MYOM2: variants seen among roughly 807,000 people sequenced by gnomAD.
MYOM2 encodes the protein myomesin-2.
In MYOM2, 254 loss-of-function variants were observed where a neutral mutation model predicts 187.6. That is an observed-to-expected ratio of 1.35 (90% confidence interval 1.22 to 1.50). The LOEUF (loss-of-function observed/expected upper bound fraction) is 1.50, where lower values mean the gene tolerates loss of function less well. MYOM2 is among the 40% of genes most tolerant of loss of function. MYOM2 has a pLI of 0.00. For missense variants in MYOM2, 2,796 were observed against 1,924.0 expected (o/e 1.45, Z -8.48); for synonymous variants, 981 against 753.8 (o/e 1.30, Z -4.94).
At chr8:2,069,161 C>A in intron 6 of MYOM2, 117 bp from the exon 7 acceptor site, 2 of 946,762 alleles carry the variant, frequency 2.1e-6, no homozygotes, top group Non-Finnish European at 3.1e-6. Context: ...ACAAATCACT[C>A]ATGAACAAAT....
At chr8:2,096,461 A>G in intron 18 of MYOM2, 27 bp downstream of exon 18, 8 of 1,608,712 alleles carry the variant, frequency 5.0e-6, no homozygotes, top group African/African-American at 1.3e-5. Context: ...TCCTTCGTCT[A>G]TTTTTGCCTG....
At chr8:2,047,536 T>C (rs1490261439) in intron 1 of MYOM2, among the ~76,000 whole-genome samples, 1 of 152,226 alleles carries the variant, frequency 6.6e-6, no homozygotes, top group African/African-American at 2.4e-5. Flanking sequence ...GTTTTCATTG[T>C]TGAAATCCAA....
rs1819146465 is a variant in MYOM2 at position 2,069,614 on chromosome 8, C to A, written c.793+117C>A. ...TTTTTTTTTTTGAGACGGAGTCTCA[C>A]TCTGTCACCCAGGCTGGAGTGCAGT... is the stretch of plus-strand genomic sequence containing the variant. On this transcript the variant is annotated intron_variant, in intron 8 of 36. Coordinates refer to ENST00000262113, the MANE Select transcript of MYOM2 (RefSeq NM_003970.4). 3.2e-6 allele frequency: 4 copies of A among 1,268,456 alleles called. No homozygotes were observed. In the African/African-American group the frequency reaches 4.5e-5, roughly 14 times the overall value. 78.6% of individuals were successfully genotyped at this position (1,268,456 alleles called of 1,614,324 possible). A position where few individuals can be genotyped will look rare whatever the true frequency, so the allele number is the denominator to read the frequency against.
At chr8:2,118,399 C>T (rs1797317456) in intron 28 of MYOM2, among the ~76,000 whole-genome samples, 2 of 152,076 alleles carry the variant, frequency 1.3e-5, no homozygotes, top group African/African-American at 4.8e-5. Flanking sequence ...GTTTTTTAAG[C>T]AGCAAATCTT....
At chr8:2,126,251 C>G (rs527863239) in intron 31 of MYOM2, among the ~76,000 whole-genome samples, 1 of 152,148 alleles carries the variant, frequency 6.6e-6, no homozygotes, top group Non-Finnish European at 1.5e-5. Context: ...CAGAACTTCC[C>G]ATATCAATAG....
intron 30 of MYOM2, 148 bp from the exon 31 acceptor site, chr8:2,124,031 A>G: frequency 1.3e-6 from 1 of 780,804 alleles, no homozygotes; most frequent in Non-Finnish European, 2.0e-6. Context: ...CGCACACATA[A>G]GTCTTTTATG....
In MYOM2 at chr8:2,057,747, C is replaced by T. The variant is rs751424968; in HGVS notation, c.527C>T (p.Thr176Ile). The change falls in exon 5 of 37, where the codon ACC becomes ATC. Residue 176 changes from threonine (T) to isoleucine (I), a missense_variant. Thr to Ile is a moderately conservative substitution (Grantham distance 89). Coordinates refer to ENST00000262113, the MANE Select transcript of MYOM2 (RefSeq NM_003970.4). The part of the protein sequence containing the change: ...WERMSVKLCF[T>I]VQGFPTPVVQ... ...AGGATGTCTGTGAAACTCTGCTTCA[C>T]CGTGCAAGGATTTCCCACGCCCGTG... 6.2e-7 allele frequency: 1 copy of T among 1,614,104 alleles called. No homozygotes were observed. Among genetic ancestry groups the T allele is most frequent in the South Asian group, 1.1e-5 (1 of 91,072 alleles).
chr8:2,073,832 C>T (rs1485736677), intron 10 of MYOM2, among the ~76,000 whole-genome samples: 2 of 152,148 alleles, frequency 1.3e-5, no homozygotes, highest in Non-Finnish European at 2.9e-5. Context: ...GGAACGTAGC[C>T]CGAGGATGAA....
In MYOM2 at chr8:2,106,326, A is replaced by G; in HGVS notation, c.2819A>G (p.Gln940Arg). 12 of 1,614,218 alleles carry G rather than the reference A, an allele frequency of 7.4e-6. No individual in the cohort carries two copies. The highest frequency in any genetic ancestry group is 1.0e-5 in the Non-Finnish European group (12 of 1,180,016). Residue 940 changes from glutamine to arginine, a missense_variant, in exon 22 of 37, where the codon CAG becomes CGG. Transcript: ENST00000262113. ...TGCCAGGAAATGACAGACGCGTCTC[A>G]GTTCACCTGGTGTAAATCCTACGAG... ...FDCQEMTDAS[Q>R]FTWCKSYEEI...
intron 13 of MYOM2, 89 bp from the exon 14 acceptor site, chr8:2,085,174 A>C (rs1331368461): frequency 4.0e-6 from 6 of 1,492,538 alleles, no homozygotes; most frequent in Non-Finnish European, 4.5e-6. Flanking sequence ...TTCAACACCC[A>C]CGTGGCAGAG....
At chr8:2,079,986 C>T (rs1311123898) in intron 13 of MYOM2, among the ~76,000 whole-genome samples, 2 of 152,166 alleles carry the variant, frequency 1.3e-5, no homozygotes, top group African/African-American at 4.8e-5. Context: ...TTTCATTTTA[C>T]ATTTTCTAAG....
rs771119578 is a variant in MYOM2, at chr8:2,144,620, C to T, written c.4081-44C>T. On this transcript the variant is annotated intron_variant, in intron 36 of 36. Transcript: ENST00000262113. ...CGTCCGAGGGGGTGACATGACTTTC[C>T]TTTTTCTAACTCTTCCTTCTCCACC... 1.9e-6 allele frequency: 3 copies of T among 1,601,508 alleles called. No individual in the cohort carries two copies. In the Admixed American group the frequency reaches 5.4e-5, roughly 29 times the overall value.
intron 8 of MYOM2, among the ~76,000 whole-genome samples, chr8:2,070,704 G>A (rs1013513089): frequency 2.0e-5 from 3 of 152,226 alleles, no homozygotes; most frequent in Admixed American, 2.0e-4. Context: ...ATGCTCATGT[G>A]TTCACCACCC....
At chr8:2,131,536 G>C (rs998188016) in intron 32 of MYOM2, among the ~76,000 whole-genome samples, 14 of 151,860 alleles carry the variant, frequency 9.2e-5, no homozygotes, top group Non-Finnish European at 1.8e-4. Flanking sequence ...GATACAAAAA[G>C]AGAAGGAGGT....
intron 32 of MYOM2, among the ~76,000 whole-genome samples, chr8:2,136,196 T>C (rs114972227): frequency 0.13 from 19,819 of 152,170 alleles, 2,186 homozygotes; most frequent in African/African-American, 0.28. Flanking sequence ...GGGTTGAAGG[T>C]GGCTGCTGAT....
At position 2,102,710 on chromosome 8, in the gene MYOM2, G is replaced by T. The variant is rs1172730058; in HGVS notation, c.2663G>T (p.Arg888Leu). ...GGTAAGACCTATGTCTTCAGGGTCC[G>T]GGCAGTCAATGCAAATGGCGTGGGG... ...QQGKTYVFRV[R>L]AVNANGVGKP... Residue 888 changes from arginine (R) to leucine (L), a missense_variant, in exon 21 of 37, where the codon CGG becomes CTG. Coordinates refer to ENST00000262113, the MANE Select transcript of MYOM2 (RefSeq NM_003970.4). The T allele has an allele frequency of 2.5e-6, 4 of 1,614,046 alleles. No individual in the cohort carries two copies. The highest frequency in any genetic ancestry group is 3.4e-6 in the Non-Finnish European group (4 of 1,179,906).
At chr8:2,115,128 A>T (rs960373994) in intron 25 of MYOM2, among the ~76,000 whole-genome samples, 1 of 150,802 alleles carries the variant, frequency 6.6e-6, no homozygotes, top group African/African-American at 2.4e-5. Context: ...AAGCACAAAA[A>T]GGTAAAAATA....
chr8:2,132,464 C>T lies in MYOM2; in HGVS notation c.3800+3232C>T, dbSNP rs903054130. 3.3e-5 allele frequency among the ~76,000 whole-genome samples: 5 copies of T among 152,196 alleles called. No homozygotes were observed. In the East Asian group the frequency reaches 7.7e-4, roughly 23 times the overall value. ...TTCTTAAGAGAAAAGATTTTGTTCT[C>T]TTACTGAAAGGTGAGATTAATATAT... is the stretch of plus-strand genomic sequence containing the variant. On this transcript the variant is annotated intron_variant, in intron 32 of 36. Coordinates refer to ENST00000262113, the MANE Select transcript of MYOM2 (RefSeq NM_003970.4).
intron 19 of MYOM2, among the ~76,000 whole-genome samples, chr8:2,100,101 C>CTTCT (rs1796642854): frequency 8.7e-4 from 83 of 95,226 alleles, no homozygotes; most frequent in African/African-American, 3.3e-3. Flanking sequence ...TCCTTCCTTC[C>CTTCT]TTCCTTCTTT....
Sources: allele counts gnomAD v4.1 joint callset (sites outside exome capture counted in the v4.1 genomes callset), GRCh38; gene constraint gnomAD v4.1.1; transcripts MANE v1.5; gene names NCBI Gene and HGNC (gene_info 2026-07-23, HGNC 2026-07-21).